PTPN13: variants seen among roughly 807,000 people sequenced by gnomAD.
The protein encoded by PTPN13 is tyrosine-protein phosphatase non-receptor type 13.
In PTPN13, 191 loss-of-function variants were observed where a neutral mutation model predicts 284.0. The observed-to-expected ratio is 0.67, with a 90% confidence interval of 0.60 to 0.76. PTPN13 has a LOEUF of 0.76. Ranked by LOEUF, PTPN13 falls within the 30% of genes least tolerant of loss-of-function variation. The probability of loss-of-function intolerance (pLI) is 0.00; values close to 1 mark genes in which losing one functional copy is unlikely to be tolerated. For synonymous variants in PTPN13, 986 were observed against 1,022.3 expected, an observed-to-expected ratio of 0.96 and a Z score of 0.68; for missense variants, 2,797 against 2,939.9, an observed-to-expected ratio of 0.95 and a Z score of 1.12.
chr4:86,785,463 C>G, intron 39 of PTPN13, 95 bp downstream of exon 39: 1 of 1,067,834 alleles, frequency 9.4e-7, no homozygotes, highest in Non-Finnish European at 1.3e-6. Flanking sequence ...ATTAGTTCTT[C>G]TTCTGTTCCT....
chr4:86,750,424 G>C (rs1368039087), intron 17 of PTPN13, 46 bp from the exon 18 acceptor site: 1 of 1,474,214 alleles, frequency 6.8e-7, no homozygotes, highest in East Asian at 2.3e-5. Flanking sequence ...TCTCATAAAA[G>C]TACTGTGGCG....
At chr4:86,685,691 G>A (rs1042995233) in intron 3 of PTPN13, among the ~76,000 whole-genome samples, 5 of 152,200 alleles carry the variant, frequency 3.3e-5, no homozygotes, top group Non-Finnish European at 7.3e-5. Flanking sequence ...CCAAGTCTTT[G>A]TAATACCTCT....
intron 1 of PTPN13, among the ~76,000 whole-genome samples, chr4:86,621,236 G>A (rs1237930584): frequency 1.3e-5 from 2 of 152,116 alleles, no homozygotes; most frequent in South Asian, 2.1e-4. Flanking sequence ...AAAATCTCTT[G>A]TATTCACAAT....
At chr4:86,734,655 T>G in intron 13 of PTPN13, 82 bp from the exon 14 acceptor site, 1 of 1,463,024 alleles carries the variant, frequency 6.8e-7, no homozygotes, top group African/African-American at 1.4e-5. Flanking sequence ...CTCATGGAAA[T>G]TAACCTTACA....
intron 1 of PTPN13, among the ~76,000 whole-genome samples, chr4:86,631,326 T>C (rs1156288030): frequency 6.6e-6 from 1 of 152,154 alleles, no homozygotes; most frequent in Admixed American, 6.6e-5. Flanking sequence ...ATTTCTTTCA[T>C]TCCCTTGTTA....
intron 7 of PTPN13, among the ~76,000 whole-genome samples, chr4:86,713,743 A>T (rs1300576325): frequency 6.6e-6 from 1 of 152,106 alleles, no homozygotes; most frequent in Non-Finnish European, 1.5e-5. Flanking sequence ...TTCTTCTCGC[A>T]TTTATTTAAA....
intron 23 of PTPN13, among the ~76,000 whole-genome samples, chr4:86,761,920 C>A (rs917887602): frequency 3.3e-5 from 5 of 152,000 alleles, no homozygotes; most frequent in African/African-American, 1.2e-4. Context: ...ATCTTTAATT[C>A]CTTTACACGT....
intron 6 of PTPN13, among the ~76,000 whole-genome samples, chr4:86,694,363 C>G (rs910023573): frequency 7.9e-5 from 12 of 151,514 alleles, no homozygotes; most frequent in Admixed American, 7.9e-4. Flanking sequence ...GGCGGATCAC[C>G]TGAGGTCAGG....
At chr4:86,807,523 A>G in intron 44 of PTPN13, 37 bp from the exon 45 acceptor site, 4 of 1,471,726 alleles carry the variant, frequency 2.7e-6, no homozygotes, top group Non-Finnish European at 3.7e-6. Context: ...AAAATGCATG[A>G]TATGGATGGC....
At position 86,702,119 on chromosome 4, in the gene PTPN13, T is replaced by G. The variant is rs142569268; in HGVS notation, c.1195+318T>G. Among the ~76,000 whole-genome samples the G allele has an allele frequency of 1.5e-3, 222 of 152,336 alleles. 2 individuals carry two copies. Among genetic ancestry groups the G allele is most frequent in the African/African-American group, 5.1e-3 (210 of 41,582 alleles). The stretch of plus-strand genomic sequence containing the variant: ...TATTTTCTACTTCTTTTTGCTTAAA[T>G]TCTCCACCATACCGTCTACCATGCA... On this transcript the variant is annotated intron_variant, in intron 7 of 47. Transcript: ENST00000411767.
intron 10 of PTPN13, among the ~76,000 whole-genome samples, chr4:86,728,661 T>TTATTTA (rs1734584614): frequency 9.2e-6 from 1 of 108,456 alleles, no homozygotes; most frequent in African/African-American, 3.5e-5. Flanking sequence ...TTTTTTTTTT[T>TTATTTA]TTTTTTTTTT....
rs369134772 is a variant in PTPN13 at position 86,758,727 on chromosome 4, A to G, written c.3363A>G (p.Ile1121Met). Residue 1121 changes from isoleucine (I) to methionine (M), a missense_variant, in exon 22 of 48, where the codon ATA (isoleucine) becomes ATG (methionine). Coordinates refer to ENST00000411767, the MANE Select transcript of PTPN13 (RefSeq NM_080683.3). ...AGATGGGAAGACTGGACCTAGGCAT[A>G]TTTATCAGTTCAGTTGCCCCTGGAG... The part of the protein sequence containing the change: ...GEKMGRLDLG[I>M]FISSVAPGGP... 1.2e-5 allele frequency: 19 copies of G among 1,613,690 alleles called. No individual in the cohort carries two copies. The highest frequency in any genetic ancestry group is 1.5e-5 in the Non-Finnish European group (18 of 1,179,790).
chr4:86,622,111 T>C (rs1012109842), intron 1 of PTPN13, among the ~76,000 whole-genome samples: 1 of 152,222 alleles, frequency 6.6e-6, no homozygotes, highest in Non-Finnish European at 1.5e-5. Flanking sequence ...CCCCTGTGTT[T>C]TCTTCCTTCT....
intron 9 of PTPN13, among the ~76,000 whole-genome samples, chr4:86,719,018 T>A (rs1345871932): frequency 1.3e-5 from 2 of 152,208 alleles, no homozygotes; most frequent in African/African-American, 4.8e-5. Flanking sequence ...GGGGTACATG[T>A]GAAGGTTTGT....
intron 6 of PTPN13, among the ~76,000 whole-genome samples, chr4:86,697,677 GT>G (rs1328750643): frequency 1.3e-5 from 2 of 152,112 alleles, no homozygotes; most frequent in Non-Finnish European, 2.9e-5. Flanking sequence ...GTAATATCAT[GT>G]TTCTTTCTTT....
chr4:86,644,166 A>T (rs1578322397), intron 2 of PTPN13, among the ~76,000 whole-genome samples: 1 of 151,230 alleles, frequency 6.6e-6, no homozygotes, highest in South Asian at 2.1e-4. Context: ...CAGAAATCTC[A>T]CTCTGCCACT....
chr4:86,598,219 A>G (rs1204598547), intron 1 of PTPN13, among the ~76,000 whole-genome samples: 1 of 151,570 alleles, frequency 6.6e-6, no homozygotes. Context: ...TCTCACTGCA[A>G]CCTCTGCCCC....
chr4:86,715,391 A>G (rs1327215771), intron 7 of PTPN13, among the ~76,000 whole-genome samples: 1 of 152,194 alleles, frequency 6.6e-6, no homozygotes, highest in Non-Finnish European at 1.5e-5. Flanking sequence ...CAATTCTCAC[A>G]AATGAATCTG....
chr4:86,802,196 G>A (rs1378110846), intron 42 of PTPN13, among the ~76,000 whole-genome samples: 1 of 151,128 alleles, frequency 6.6e-6, no homozygotes, highest in Non-Finnish European at 1.5e-5. Context: ...AAGGAGTCAG[G>A]GGAGCATAAC....
Sources: allele counts gnomAD v4.1 joint callset (sites outside exome capture counted in the v4.1 genomes callset), GRCh38; gene constraint gnomAD v4.1.1; transcripts MANE v1.5; gene names NCBI Gene and HGNC (gene_info 2026-07-23, HGNC 2026-07-21).